Variants in RANBP10 observed in about 807,000 individuals in gnomAD.
RANBP10 encodes ran-binding protein 10.
RANBP10 carries 24 observed loss-of-function variants against 72.8 expected under a neutral mutation model. The observed-to-expected ratio is 0.33, with a 90% CI of 0.24 to 0.46. The LOEUF (loss-of-function observed/expected upper bound fraction) is 0.46, where lower values mean the gene tolerates loss of function less well. Among genes scored for constraint, RANBP10 ranks in the 20% least tolerant of loss-of-function variants. RANBP10 has a pLI of 1.00. For missense variants in RANBP10, 679 were observed against 817.5 expected (o/e 0.83, Z 2.07); for synonymous variants, 310 against 322.3 (o/e 0.96, Z 0.41).
chr16:67,728,542 C>T, intron 10 of RANBP10, 31 bp from the exon 11 acceptor site: 1 of 1,613,590 alleles, frequency 6.2e-7, no homozygotes, highest in South Asian at 1.1e-5. Context: ...GGGAGTTGGC[C>T]CAGGGGGTGT....
rs951643454 is a variant in RANBP10 at position 67,729,617 on chromosome 16, T to C, written c.1147+63A>G. 92 of 1,564,512 alleles carry C rather than the reference T, an allele frequency of 5.9e-5. No individual in the cohort carries two copies. Among genetic ancestry groups the C allele is most frequent in the Non-Finnish European group, 7.2e-5 (83 of 1,155,506 alleles). On this transcript the variant is annotated intron_variant, in intron 9 of 13. Coordinates refer to ENST00000317506, the MANE Select transcript of RANBP10 (RefSeq NM_020850.3). The surrounding 1 kb of genome is among the most constrained non-coding windows in gnomAD (Gnocchi z 7.1). ...GCCCTGAGCCCAGCCCAGGAAAGGG[T>C]ATGTGGAGTGGCCTCTCTCCTCCAC... is the stretch of plus-strand genomic sequence containing the variant.
chr16:67,738,385 G>A (rs546997031), intron 4 of RANBP10, among the ~76,000 whole-genome samples: 6 of 151,806 alleles, frequency 4.0e-5, no homozygotes, highest in South Asian at 2.1e-4. Flanking sequence ...TGATCTGCCC[G>A]CCTCAGCCTC....
intron 2 of RANBP10, among the ~76,000 whole-genome samples, chr16:67,773,862 A>T (rs1457326696): frequency 6.6e-6 from 1 of 152,230 alleles, no homozygotes; most frequent in Non-Finnish European, 1.5e-5. Context: ...CTGTAGCTGG[A>T]CAGGACTGCT....
chr16:67,735,384 G>C (rs2053822925), intron 5 of RANBP10, among the ~76,000 whole-genome samples: 3 of 152,202 alleles, frequency 2.0e-5, no homozygotes, highest in African/African-American at 7.2e-5. Flanking sequence ...ACGTGCCCAT[G>C]AAGGTCTGCT....
At position 67,734,856 on chromosome 16, in the gene RANBP10, A is replaced by T; in HGVS notation, c.776+2T>A. ...GGGTAAGGGCAGGAGCAGGGCACTC[A>T]CTTCTGCAGCACTGCCTGCCACTCG... On this transcript the variant is annotated splice_donor_variant, in intron 6 of 13. Transcript: ENST00000317506. LOFTEE classifies it high-confidence loss of function. 6.3e-7 allele frequency: 1 copy of T among 1,581,238 alleles called. No homozygotes were observed. The highest frequency in any genetic ancestry group is 8.6e-7 in the Non-Finnish European group (1 of 1,160,122).
In RANBP10 at chr16:67,723,164, G is replaced by A. The variant is rs1025545401; in HGVS notation, c.*3264C>T. ...AAGTACAATTTTAATAAGATGTTTT[G>A]TGTTAGAGTTCTCTCTCCATCCTCC... is the stretch of plus-strand genomic sequence containing the variant. On this transcript the variant is annotated 3_prime_UTR_variant, in exon 14 of 14. Coordinates refer to ENST00000317506, the MANE Select transcript of RANBP10 (RefSeq NM_020850.3). 1.3e-5 allele frequency: 2 copies of A among 152,338 alleles called. No homozygotes were observed. The highest frequency in any genetic ancestry group is 4.8e-5 in the African/African-American group (2 of 41,350). The allele number at this position is 152,338 out of a possible 1,614,324, so 9.4% of individuals were successfully genotyped here.
intron 2 of RANBP10, among the ~76,000 whole-genome samples, chr16:67,797,862 C>A (rs1402282675): frequency 6.6e-6 from 1 of 151,552 alleles, no homozygotes; most frequent in Non-Finnish European, 1.5e-5. Flanking sequence ...TGATGGCATG[C>A]ACCTGTAGTC....
At chr16:67,790,822 C>T (rs1272344986) in intron 2 of RANBP10, among the ~76,000 whole-genome samples, 1 of 151,522 alleles carries the variant, frequency 6.6e-6, no homozygotes, top group Non-Finnish European at 1.5e-5. Flanking sequence ...GCCTCAGCCT[C>T]CTGAGCTGCT....
Position 67,735,076 on chromosome 16 carries a change from G to A in RANBP10, c.592-34C>T, listed in dbSNP as rs1343119204. The A allele has an allele frequency of 3.9e-6, 6 of 1,544,396 alleles. No individual in the cohort carries two copies. The South Asian group carries it at 7.3e-5, about 19-fold the overall frequency. ...GAGAATGAAATGTCAGTCAGGCCCTGAGGGCAGTGGGGTTCTAAGGCCTCA... is the reference window on the plus strand; with the variant it reads ...GAGAATGAAATGTCAGTCAGGCCCTAAGGGCAGTGGGGTTCTAAGGCCTCA... On this transcript the variant is annotated intron_variant, in intron 5 of 13. Transcript: ENST00000317506.
At position 67,792,510 on chromosome 16, in the gene RANBP10, C is replaced by T. The variant is rs182721941; in HGVS notation, c.347+12918G>A. On this transcript the variant is annotated intron_variant, in intron 2 of 13. Transcript: ENST00000317506. The stretch of plus-strand genomic sequence containing the variant: ...CTGGGAGGCAGAGGTTGCAGTGAGC[C>T]GAGATCCCGCCACTGCAGTCCAGCC... Among the ~76,000 whole-genome samples the T allele has an allele frequency of 3.4e-3, 508 of 150,356 alleles. 5 individuals carry two copies. Among genetic ancestry groups the T allele is most frequent in the African/African-American group, 0.012 (474 of 40,878 alleles).
intron 2 of RANBP10, among the ~76,000 whole-genome samples, chr16:67,791,659 T>C (rs2055030724): frequency 6.6e-6 from 1 of 152,108 alleles, no homozygotes; most frequent in Non-Finnish European, 1.5e-5. Context: ...CATCTTGACA[T>C]CTAATACCTT....
intron 6 of RANBP10, 129 bp from the exon 7 acceptor site, chr16:67,731,713 G>A: frequency 1.6e-6 from 1 of 641,346 alleles, no homozygotes; most frequent in Non-Finnish European, 2.7e-6. Context: ...AACCTCCACA[G>A]AATGAGAATA....
chr16:67,737,774 T>C (rs1313028896), intron 5 of RANBP10, among the ~76,000 whole-genome samples: 1 of 152,028 alleles, frequency 6.6e-6, no homozygotes, highest in Non-Finnish European at 1.5e-5. Context: ...ACAGCTGCCT[T>C]TGGAAGTGCC....
intron 3 of RANBP10, among the ~76,000 whole-genome samples, chr16:67,757,555 C>A (rs1239493348): frequency 6.6e-6 from 1 of 152,166 alleles, no homozygotes; most frequent in Non-Finnish European, 1.5e-5. Context: ...GGCTGCTCCA[C>A]AAGGGTGGTC....
rs1174678949 is a variant in RANBP10, at chr16:67,729,185, TG to T, written c.1352+94del. ...CCAGGCACAGACCTGAGATGGAGGC[TG>T]GGGGTGAAGGGCAGGGCGCTCAAAG... On this transcript the variant is annotated intron_variant, in intron 10 of 13. Transcript: ENST00000317506. The surrounding 1 kb of genome is among the most constrained non-coding windows in gnomAD (Gnocchi z 7.1). 3.4e-5 allele frequency: 53 copies of T among 1,543,644 alleles called. No homozygotes were observed. Among genetic ancestry groups the T allele is most frequent in the Non-Finnish European group, 4.1e-5 (47 of 1,145,176 alleles).
intron 6 of RANBP10, among the ~76,000 whole-genome samples, chr16:67,733,460 T>A (rs1476066836): frequency 6.6e-6 from 1 of 152,098 alleles, no homozygotes; most frequent in African/African-American, 2.4e-5. Flanking sequence ...TACAAGAGGG[T>A]TACCTACACA....
chr16:67,773,410 CT>C (rs2054642395), intron 2 of RANBP10, among the ~76,000 whole-genome samples: 8 of 152,170 alleles, frequency 5.3e-5, no homozygotes, highest in Admixed American at 5.2e-4. Flanking sequence ...ACCTTCTTTT[CT>C]TTACCCTGTC....
intron 2 of RANBP10, among the ~76,000 whole-genome samples, chr16:67,799,817 C>T (rs1412997035): frequency 1.3e-5 from 2 of 151,848 alleles, no homozygotes; most frequent in Non-Finnish European, 2.9e-5. Flanking sequence ...TGCCTGTGCT[C>T]CTGGGGCCCA....
chr16:67,763,781 G>A lies in RANBP10; in HGVS notation c.400+8253C>T, dbSNP rs975910639. 9.9e-5 allele frequency among the ~76,000 whole-genome samples: 15 copies of A among 152,156 alleles called. No individual in the cohort carries two copies. The South Asian group carries it at 2.3e-3, about 23-fold the overall frequency. Reference sequence around the variant, plus strand: ...TCCATCTTGGCTCACTGCAACCTCCGCCTCCTGGGTTCAAGCGATTCTCCT... The same window carrying A: ...TCCATCTTGGCTCACTGCAACCTCCACCTCCTGGGTTCAAGCGATTCTCCT... On this transcript the variant is annotated intron_variant, in intron 3 of 13. Coordinates refer to ENST00000317506, the MANE Select transcript of RANBP10 (RefSeq NM_020850.3).
Sources: allele counts gnomAD v4.1 joint callset (sites outside exome capture counted in the v4.1 genomes callset), GRCh38; gene constraint gnomAD v4.1.1; non-coding constraint Gnocchi (gnomAD v3.1); transcripts MANE v1.5; gene names NCBI Gene and HGNC (gene_info 2026-07-23, HGNC 2026-07-21).